The following LGSN variants were observed in gnomAD, a reference collection of about 807,000 sequenced individuals.
LGSN encodes the protein lengsin.
LGSN carries 21 observed loss-of-function variants against 19.5 expected under a neutral mutation model. That is an observed-to-expected ratio of 1.07 (90% confidence interval 0.76 to 1.55). The LOEUF (loss-of-function observed/expected upper bound fraction) is 1.55, where lower values mean the gene tolerates loss of function less well. Ranked by LOEUF, LGSN falls within the 40% of genes most tolerant of loss-of-function variation. The probability of loss-of-function intolerance (pLI) is 0.00; values close to 1 mark genes in which losing one functional copy is unlikely to be tolerated. For missense variants in LGSN, 673 were observed against 608.5 expected (o/e 1.11, Z -1.12); for synonymous variants, 257 against 215.6 (o/e 1.19, Z -1.68).
chr6:63,506,526 G>A, the LGSN span, among the ~76,000 whole-genome samples: 1 of 152,142 alleles, frequency 6.6e-6, no homozygotes, highest in African/African-American at 2.4e-5. Flanking sequence ...GCCTCCCAAA[G>A]TGCTGGGATT....
At chr6:63,426,240 A>G in the LGSN span, among the ~76,000 whole-genome samples, 5 of 152,162 alleles carry the variant, frequency 3.3e-5, no homozygotes, top group Non-Finnish European at 7.3e-5. Flanking sequence ...AAGTTTTATG[A>G]TCCTTAGAGA....
At chr6:63,445,681 G>T in the LGSN span, among the ~76,000 whole-genome samples, 1 of 152,104 alleles carries the variant, frequency 6.6e-6, no homozygotes, top group African/African-American at 2.4e-5. Context: ...AGAATGTGTG[G>T]TCATTACCTT....
At chr6:63,471,253 C>T in the LGSN span, among the ~76,000 whole-genome samples, 2 of 148,538 alleles carry the variant, frequency 1.3e-5, no homozygotes, top group African/African-American at 2.5e-5. Context: ...GCTGAGATTA[C>T]AGGCATGAGC....
chr6:63,387,725 G>T, the LGSN span, among the ~76,000 whole-genome samples: 3 of 151,564 alleles, frequency 2.0e-5, no homozygotes, highest in African/African-American at 7.3e-5. Context: ...TTTGAGCCAG[G>T]GTCCCACTGC....
the LGSN span, among the ~76,000 whole-genome samples, chr6:63,509,505 C>A: frequency 1.3e-5 from 2 of 151,982 alleles, no homozygotes; most frequent in South Asian, 4.1e-4. Flanking sequence ...TTGTAGAAAT[C>A]GACATTAAAA....
At chr6:63,551,157 C>CAAGTGAG in the LGSN span, among the ~76,000 whole-genome samples, 1 of 152,116 alleles carries the variant, frequency 6.6e-6, no homozygotes, top group Non-Finnish European at 1.5e-5. Context: ...CCTCTGCTTT[C>CAAGTGAG]CAGGTTCAAG....
chr6:63,324,379 G>A (rs1452650022), upstream of LGSN, among the ~76,000 whole-genome samples: 1 of 152,116 alleles, frequency 6.6e-6, no homozygotes, highest in Non-Finnish European at 1.5e-5. Context: ...GTGGTTTAGG[G>A]CAAGATGATC....
the LGSN span, among the ~76,000 whole-genome samples, chr6:63,474,376 A>C: frequency 2.0e-5 from 3 of 152,170 alleles, no homozygotes; most frequent in African/African-American, 7.2e-5. Context: ...TGGGAGGCCA[A>C]GGTGGGCGGA....
chr6:63,517,555 C>T, the LGSN span, among the ~76,000 whole-genome samples: 4 of 151,978 alleles, frequency 2.6e-5, no homozygotes, highest in Non-Finnish European at 4.4e-5. Context: ...GCACTATGAA[C>T]AAAAGAAACA....
Position 63,299,322 on chromosome 6 carries a change from T to C in LGSN, c.31-4277A>G, listed in dbSNP as rs146699327. Among the ~76,000 whole-genome samples the C allele has an allele frequency of 7.9e-5, 12 of 152,304 alleles. No individual in the cohort carries two copies. In the East Asian group the frequency reaches 1.9e-3, roughly 24 times the overall value. The stretch of plus-strand genomic sequence containing the variant: ...AGGAAGAGAGGAAAGACTAAGTTAC[T>C]AGAGACTCTTATCATTGACTTACAT... On this transcript the variant is annotated intron_variant, in intron 1 of 3. Transcript: ENST00000370657.
the LGSN span, among the ~76,000 whole-genome samples, chr6:63,430,538 A>G: frequency 1.3e-5 from 2 of 151,926 alleles, no homozygotes; most frequent in East Asian, 3.9e-4. Flanking sequence ...ACAGGCATGC[A>G]CCACCACACC....
chr6:63,306,771 G>A (rs183292864), intron 1 of LGSN, among the ~76,000 whole-genome samples: 1 of 152,300 alleles, frequency 6.6e-6, no homozygotes, highest in East Asian at 1.9e-4. Context: ...TCCCAGGAAG[G>A]AGCCAACACA....
At chr6:63,480,994 CACAT>C in the LGSN span, among the ~76,000 whole-genome samples, 5 of 119,146 alleles carry the variant, frequency 4.2e-5, no homozygotes, top group South Asian at 2.7e-4. Context: ...TATACACACA[CACAT>C]ACATACATAC....
chr6:63,398,361 G>A, the LGSN span, among the ~76,000 whole-genome samples: 1 of 151,990 alleles, frequency 6.6e-6, no homozygotes. Flanking sequence ...ATGTGGAGGA[G>A]GAAGACAATG....
chr6:63,482,466 C>G, the LGSN span, among the ~76,000 whole-genome samples: 122 of 152,304 alleles, frequency 8.0e-4, no homozygotes, highest in Non-Finnish European at 1.5e-3. Context: ...CAGTAGCTCA[C>G]GCCTATAATC....
chr6:63,292,311 G>T (rs1767804873), intron 2 of LGSN, among the ~76,000 whole-genome samples: 1 of 152,154 alleles, frequency 6.6e-6, no homozygotes, highest in Non-Finnish European at 1.5e-5. Context: ...AAGATAATAA[G>T]TTTGTGTTTA....
the LGSN span, among the ~76,000 whole-genome samples, chr6:63,421,643 G>A: frequency 5.3e-5 from 8 of 151,820 alleles, no homozygotes; most frequent in South Asian, 8.4e-4. Context: ...CAAGAGAATC[G>A]CTTAAACCCG....
At chr6:63,497,918 C>CT in the LGSN span, among the ~76,000 whole-genome samples, 125 of 121,802 alleles carry the variant, frequency 1.0e-3, 1 homozygote, top group Non-Finnish European at 9.8e-4. Flanking sequence ...TGTCATGTTT[C>CT]TTTTTTTTTT....
chr6:63,374,789 G>A, the LGSN span, among the ~76,000 whole-genome samples: 11 of 152,124 alleles, frequency 7.2e-5, no homozygotes, highest in Non-Finnish European at 1.3e-4. Context: ...GCCCCTTTCC[G>A]TTATTGTCTT....
Sources: gnomAD v4.1 joint callset for allele counts (sites outside exome capture counted in the v4.1 genomes callset) on GRCh38, gnomAD v4.1.1 for gene constraint, MANE v1.5 for transcripts, NCBI Gene and HGNC (gene_info 2026-07-23, HGNC 2026-07-21) for gene names.